The following CHIC1 variants were observed in gnomAD, a reference collection of about 807,000 sequenced individuals.
The protein encoded by CHIC1 is cysteine rich hydrophobic domain 1, also known as cysteine-rich hydrophobic domain-containing protein 1.
A neutral mutation model predicts 18.5 loss-of-function variants in CHIC1; 7 were observed. The observed-to-expected ratio is 0.38, with a 90% CI of 0.22 to 0.71. CHIC1 has a LOEUF of 0.71. CHIC1 is among the 30% of genes least tolerant of loss of function. CHIC1 has a pLI of 0.49. For missense variants in CHIC1, 159 were observed against 176.9 expected (o/e 0.90, Z 0.57); for synonymous variants, 77 against 73.5 (o/e 1.05, Z -0.25).
At chrX:73,634,751 G>A (rs1188113170) in intron 3 of CHIC1, among the ~76,000 whole-genome samples, 2 of 111,454 alleles carry the variant, frequency 1.8e-5, no homozygotes, top group African/African-American at 6.5e-5. Context: ...CAGTATTCAA[G>A]GTGCAGAGAG....
At chrX:73,575,943 A>G (rs1449243410) in intron 1 of CHIC1, among the ~76,000 whole-genome samples, 1 of 109,457 alleles carries the variant, frequency 9.1e-6, no homozygotes, top group East Asian at 2.8e-4. Flanking sequence ...GTACAAAAAT[A>G]TTTTCTTTAT....
chrX:73,615,176 G>T (rs1377523274), intron 3 of CHIC1, among the ~76,000 whole-genome samples: 1 of 111,771 alleles, frequency 8.9e-6, no homozygotes, highest in Non-Finnish European at 1.9e-5. Context: ...GGCTTAGGGT[G>T]TGGTTGTTAG....
At chrX:73,620,155 G>A (rs1486157054) in intron 3 of CHIC1, among the ~76,000 whole-genome samples, 1 of 112,076 alleles carries the variant, frequency 8.9e-6, no homozygotes, top group Non-Finnish European at 1.9e-5. Context: ...GAACAGTGCT[G>A]CAATAAACAT....
At chrX:73,600,255 G>A (rs1284664926) in intron 3 of CHIC1, among the ~76,000 whole-genome samples, 53 of 93,716 alleles carry the variant, frequency 5.7e-4, no homozygotes, top group African/African-American at 2.1e-3. Context: ...GGGTTTTCTA[G>A]ATATACAATC....
At chrX:73,677,484 C>T (rs1015093527) in intron 3 of CHIC1, among the ~76,000 whole-genome samples, 4 of 111,670 alleles carry the variant, frequency 3.6e-5, no homozygotes, top group Non-Finnish European at 7.5e-5. Flanking sequence ...AGTTTGATCT[C>T]GGACTGCTGT....
intron 3 of CHIC1, among the ~76,000 whole-genome samples, chrX:73,644,604 C>T (rs2057878347): frequency 8.9e-6 from 1 of 112,547 alleles, no homozygotes; most frequent in South Asian, 3.7e-4. Flanking sequence ...CTCCCCCAGC[C>T]TCACTGCCGC....
intron 3 of CHIC1, among the ~76,000 whole-genome samples, chrX:73,677,725 C>T (rs1020313800): frequency 5.3e-5 from 6 of 112,241 alleles, no homozygotes; most frequent in Non-Finnish European, 9.4e-5. Flanking sequence ...GGCTCGCACA[C>T]GGTGCGCTGC....
intron 3 of CHIC1, among the ~76,000 whole-genome samples, chrX:73,649,599 T>G (rs1237422344): frequency 9.0e-6 from 1 of 111,354 alleles, no homozygotes; most frequent in Non-Finnish European, 1.9e-5. Flanking sequence ...AAGAAGGACA[T>G]TACATAATGC....
intron 3 of CHIC1, among the ~76,000 whole-genome samples, chrX:73,653,213 G>C (rs1014904303): frequency 1.8e-5 from 2 of 110,251 alleles, no homozygotes; most frequent in South Asian, 8.1e-4. Flanking sequence ...ACACACTCTG[G>C]GGTCTGTTGG....
intron 3 of CHIC1, among the ~76,000 whole-genome samples, chrX:73,643,850 A>G (rs929222437): frequency 8.9e-6 from 1 of 111,733 alleles, no homozygotes; most frequent in Non-Finnish European, 1.9e-5. Flanking sequence ...GATCTTCTGA[A>G]GCCTTCTTCT....
At chrX:73,677,622 C>T (rs1049022724) in intron 3 of CHIC1, among the ~76,000 whole-genome samples, 1 of 112,055 alleles carries the variant, frequency 8.9e-6, no homozygotes, top group Non-Finnish European at 1.9e-5. Context: ...ACCCGATTTT[C>T]CAGGTGCCAT....
At chrX:73,652,319 G>A (rs772167712) in intron 3 of CHIC1, among the ~76,000 whole-genome samples, 1 of 112,117 alleles carries the variant, frequency 8.9e-6, no homozygotes, top group South Asian at 3.7e-4. Context: ...TCAGGACATA[G>A]GCATGGGCAA....
Position 73,625,922 on chromosome X carries a change from T to C in CHIC1, c.507+41350T>C, listed in dbSNP as rs776020376. On this transcript the variant is annotated intron_variant, in intron 3 of 5. Coordinates refer to ENST00000373502, the MANE Select transcript of CHIC1 (RefSeq NM_001039840.4). Reference sequence around the variant, plus strand: ...CCTCTAACTCAATCCCATCCTTTACTGGATACCCCACCACTTACCCAAAGT... The same window carrying C: ...CCTCTAACTCAATCCCATCCTTTACCGGATACCCCACCACTTACCCAAAGT... 5.2e-4 allele frequency among the ~76,000 whole-genome samples: 57 copies of C among 110,622 alleles called. No individual in the cohort carries two copies. The South Asian group carries it at 0.018, about 35-fold the overall frequency.
At chrX:73,630,954 G>A (rs780657235) in intron 3 of CHIC1, among the ~76,000 whole-genome samples, 3 of 110,916 alleles carry the variant, frequency 2.7e-5, no homozygotes, top group South Asian at 7.6e-4. Context: ...GTTTCTTCAC[G>A]GTTAGTCTTG....
intron 3 of CHIC1, among the ~76,000 whole-genome samples, chrX:73,667,529 T>C (rs2058010057): frequency 8.9e-6 from 1 of 112,106 alleles, no homozygotes; most frequent in African/African-American, 3.2e-5. Context: ...TCAGGAGCTC[T>C]TGCAGGGGAA....
At chrX:73,612,097 T>C (rs944548743) in intron 3 of CHIC1, among the ~76,000 whole-genome samples, 1 of 110,468 alleles carries the variant, frequency 9.1e-6, no homozygotes, top group Non-Finnish European at 1.9e-5. Flanking sequence ...TCCTTGCCCA[T>C]GCCTATGTCC....
At chrX:73,591,661 G>T (rs2057582576) in intron 3 of CHIC1, among the ~76,000 whole-genome samples, 1 of 111,350 alleles carries the variant, frequency 9.0e-6, no homozygotes, top group Non-Finnish European at 1.9e-5. Context: ...AGGTCACCTA[G>T]ATTTTGTTTT....
rs769102893 is a variant in CHIC1, at chrX:73,610,419, CAA to C, written c.507+25848_507+25849del. On this transcript the variant is annotated intron_variant, in intron 3 of 5. Transcript: ENST00000373502. ...GCACCCACTGACTAACCATTCCTAA[CAA>C]GATGAACTGGGTACCTCAGTTGGAA... 3.2e-3 allele frequency among the ~76,000 whole-genome samples: 339 copies of C among 106,369 alleles called. 5 individuals are homozygous for C. The highest frequency in any genetic ancestry group is 4.9e-3 in the Non-Finnish European group (256 of 52,469). 92.4% of individuals were successfully genotyped at this position (106,369 alleles called of 115,157 possible). A position where few individuals can be genotyped will look rare whatever the true frequency, so the allele number is the denominator to read the frequency against.
At chrX:73,588,945 C>G (rs1243976958) in intron 3 of CHIC1, among the ~76,000 whole-genome samples, 1 of 108,585 alleles carries the variant, frequency 9.2e-6, no homozygotes, top group African/African-American at 3.3e-5. Context: ...TCTTTTTTTT[C>G]TTAATCCTTG....
Sources: allele counts gnomAD v4.1 joint callset (sites outside exome capture counted in the v4.1 genomes callset), GRCh38; gene constraint gnomAD v4.1.1; transcripts MANE v1.5; gene names NCBI Gene and HGNC (gene_info 2026-07-23, HGNC 2026-07-21).